URB2: variants seen among roughly 807,000 people sequenced by gnomAD.
URB2 encodes the protein unhealthy ribosome biogenesis protein 2 homolog.
A neutral mutation model predicts 120.9 loss-of-function variants in URB2; 86 were observed. That is an observed-to-expected ratio of 0.71 (90% CI 0.60 to 0.85). The LOEUF is 0.85. Ranked by LOEUF, URB2 falls within the 40% of genes least tolerant of loss-of-function variation. The probability of loss-of-function intolerance (pLI) is 0.00; values close to 1 mark genes in which losing one functional copy is unlikely to be tolerated. For missense variants in URB2, 1,765 were observed against 1,836.5 expected, an observed-to-expected ratio of 0.96 and a Z score of 0.71; for synonymous variants, 755 against 758.4, an observed-to-expected ratio of 1.00 and a Z score of 0.07.
chr1:229,654,901 G>A (rs1008887988), intron 9 of URB2, among the ~76,000 whole-genome samples: 16 of 152,086 alleles, frequency 1.1e-4, no homozygotes, highest in Middle Eastern at 3.2e-3. Context: ...CACAAACTTC[G>A]GGGTCTATTT....
At chr1:229,633,835 C>T (rs748823275) in intron 3 of URB2, among the ~76,000 whole-genome samples, 2 of 152,114 alleles carry the variant, frequency 1.3e-5, no homozygotes, top group South Asian at 2.1e-4. Flanking sequence ...ATTTGCTTTC[C>T]TTTTTAAAAA....
rs1476177389 is a variant in URB2 at position 229,639,886 on chromosome 1, C to CT, written c.3634+1639_3634+1640insT. On this transcript the variant is annotated intron_variant, in intron 4 of 9. Transcript: ENST00000258243. ...TCCTGCACAGAGTCGACCTTTACAG[C>CT]CCCCCTGGTGAAAGGTTAATGGGTT... is the stretch of plus-strand genomic sequence containing the variant. Among the ~76,000 whole-genome samples the CT allele has an allele frequency of 3.3e-5, 5 of 152,096 alleles. 1 individual carries two copies. Among genetic ancestry groups the CT allele is most frequent in the African/African-American group, 1.2e-4 (5 of 41,404 alleles).
At chr1:229,640,464 C>T (rs1237339291) in intron 4 of URB2, among the ~76,000 whole-genome samples, 3 of 151,978 alleles carry the variant, frequency 2.0e-5, no homozygotes, top group Non-Finnish European at 2.9e-5. Flanking sequence ...TTGGTGGTAA[C>T]GAAAGGGCTG....
intron 2 of URB2, among the ~76,000 whole-genome samples, chr1:229,631,165 A>G (rs1422397794): frequency 2.6e-5 from 4 of 152,134 alleles, no homozygotes; most frequent in African/African-American, 7.2e-5. Context: ...CCTAAACTTC[A>G]TGAACCAACC....
intron 1 of URB2, among the ~76,000 whole-genome samples, chr1:229,626,941 T>A (rs764037752): frequency 6.6e-6 from 1 of 152,240 alleles, no homozygotes; most frequent in Non-Finnish European, 1.5e-5. Flanking sequence ...TAACGTTCCT[T>A]TTTACTATAA....
Position 229,636,037 on chromosome 1 carries a change from G to T in URB2, c.1424G>T (p.Gly475Val). ...CCACGGTTGTTTGAAGAGGTTTTGG[G>T]GGTGATCTGTCGTCCAGCTGCTGAG... ...QVPRLFEEVL[G>V]VICRPAAEAL... The change falls in exon 4 of 10, where the codon GGG (glycine) becomes GTG (valine). Residue 475 changes from glycine (G) to valine (V), a missense_variant. Physicochemically the swap from Gly to Val is moderately radical, Grantham distance 109 (BLOSUM62 -3). Coordinates refer to ENST00000258243, the MANE Select transcript of URB2 (RefSeq NM_014777.4). The T allele has an allele frequency of 6.2e-7, 1 of 1,614,120 alleles. No homozygotes were observed. Among genetic ancestry groups the T allele is most frequent in the South Asian group, 1.1e-5 (1 of 91,074 alleles).
At position 229,638,057 on chromosome 1, in the gene URB2, C is replaced by G. The variant is rs1323676712; in HGVS notation, c.3444C>G (p.Leu1148=). 1.9e-6 allele frequency: 3 copies of G among 1,614,024 alleles called. No homozygotes were observed. The highest frequency in any genetic ancestry group is 1.7e-5 in the Admixed American group (1 of 60,004). Residue 1148 remains leucine, a synonymous_variant, in exon 4 of 10, where the codon CTC becomes CTG. Coordinates refer to ENST00000258243, the MANE Select transcript of URB2 (RefSeq NM_014777.4). The stretch of plus-strand genomic sequence containing the variant: ...CCCAAGGAAGCGACAGGACGCTGCT[C>G]TCCCATGTTGCCCTCTACCAGGGTG... ...DISQGSDRTL[L]SHVALYQGVY... is the part of the protein sequence containing the mutation.
At chr1:229,644,874 C>G (rs993939879) in intron 5 of URB2, among the ~76,000 whole-genome samples, 1 of 152,092 alleles carries the variant, frequency 6.6e-6, no homozygotes, top group Non-Finnish European at 1.5e-5. Context: ...TAGGGCTCTG[C>G]CCACATCTCA....
At chr1:229,645,210 A>G (rs528112758) in intron 5 of URB2, among the ~76,000 whole-genome samples, 2 of 151,700 alleles carry the variant, frequency 1.3e-5, no homozygotes, top group African/African-American at 4.8e-5. Context: ...GCTTGAGCCC[A>G]GGAGGTGGAG....
chr1:229,637,816 G>A lies in URB2; in HGVS notation c.3203G>A (p.Gly1068Glu), dbSNP rs761798616. The change falls in exon 4 of 10, where the codon GGA (glycine) becomes GAA (glutamate). Residue 1068 changes from glycine (G) to glutamate (E), a missense_variant. Physicochemically the swap from Gly to Glu is moderately conservative, Grantham distance 98. Transcript: ENST00000258243. ...TTAACCAGGTTGTGCCATGTCCTGG[G>A]ACCTTTCCTCAAAGAGCAGAAGCTG... Reference protein sequence around the residue: ...VSLTRLCHVLGPFLKEQKLGQ... With the variant: ...VSLTRLCHVLEPFLKEQKLGQ... 1.2e-6 allele frequency: 2 copies of A among 1,611,504 alleles called. No individual in the cohort carries two copies. Among genetic ancestry groups the A allele is most frequent in the Non-Finnish European group, 8.5e-7 (1 of 1,178,988 alleles).
chr1:229,645,149 G>A (rs1299231201), intron 5 of URB2, among the ~76,000 whole-genome samples: 1 of 152,026 alleles, frequency 6.6e-6, no homozygotes, highest in South Asian at 2.1e-4. Context: ...GCTGGGCCTG[G>A]TGGTGGGTGG....
intron 3 of URB2, among the ~76,000 whole-genome samples, 153 bp from the exon 4 acceptor site, chr1:229,634,764 T>C (rs758460758): frequency 4.6e-5 from 7 of 152,154 alleles, no homozygotes; most frequent in Non-Finnish European, 7.4e-5. Flanking sequence ...ACTAAGCTTA[T>C]GTCAGGTTCA....
intron 3 of URB2, among the ~76,000 whole-genome samples, chr1:229,634,366 C>T (rs553863816): frequency 7.2e-5 from 11 of 152,018 alleles, no homozygotes; most frequent in African/African-American, 1.7e-4. Context: ...CCACCATGCC[C>T]GGTTAATTTT....
chr1:229,644,834 CTGTT>C (rs1012146483), intron 5 of URB2, among the ~76,000 whole-genome samples: 3 of 152,132 alleles, frequency 2.0e-5, no homozygotes, highest in Non-Finnish European at 4.4e-5. Context: ...GGCACTGGGT[CTGTT>C]TGTTCATATA....
chr1:229,648,427 C>T (rs1258984061), intron 7 of URB2, among the ~76,000 whole-genome samples: 1 of 152,132 alleles, frequency 6.6e-6, no homozygotes, highest in Non-Finnish European at 1.5e-5. Flanking sequence ...CGCATAGATC[C>T]CTTGCTGGGC....
rs771048640 is a variant in URB2, at chr1:229,637,889, G to A, written c.3276G>A (p.Val1092=). ...AALSELLQQV[V]LQTGAVLQLC... is the part of the protein sequence containing the mutation. ...TGTCTGAGCTGCTGCAGCAGGTTGT[G>A]CTGCAGACAGGAGCTGTGCTGCAGC... The change falls in exon 4 of 10, where the codon GTG becomes GTA. Residue 1092 remains valine (V), a synonymous_variant. Transcript: ENST00000258243. 87 of 1,601,644 alleles carry A rather than the reference G, an allele frequency of 5.4e-5. No homozygotes were observed. Among genetic ancestry groups the A allele is most frequent in the Non-Finnish European group, 6.2e-5 (73 of 1,174,838 alleles).
Position 229,638,093 on chromosome 1 carries a change from G to C in URB2, c.3480G>C (p.Gln1160His). The change falls in exon 4 of 10, where the codon CAG becomes CAC. Residue 1160 changes from glutamine (Q) to histidine (H), a missense_variant. Transcript: ENST00000258243. ...CCCTCTACCAGGGTGTTTACTCTCA[G>C]ATACTGTTGGAGTTGCCAGCTCTCG... ...HVALYQGVYS[Q>H]ILLELPALAG... The C allele has an allele frequency of 1.2e-6, 2 of 1,614,258 alleles. No individual in the cohort carries two copies. The highest frequency in any genetic ancestry group is 1.7e-6 in the Non-Finnish European group (2 of 1,180,050).
At chr1:229,627,789 C>A in intron 2 of URB2, 30 bp downstream of exon 2, 1 of 1,591,246 alleles carries the variant, frequency 6.3e-7, no homozygotes, top group Non-Finnish European at 8.6e-7. Context: ...CATATTTTTA[C>A]AGTCTGTCAA....
chr1:229,629,989 C>T (rs1274871028), intron 2 of URB2, among the ~76,000 whole-genome samples: 1 of 152,158 alleles, frequency 6.6e-6, no homozygotes, highest in African/African-American at 2.4e-5. Flanking sequence ...TTTATTAGTC[C>T]CATCTTCAGG....
Sources: allele counts gnomAD v4.1 joint callset (sites outside exome capture counted in the v4.1 genomes callset), GRCh38; gene constraint gnomAD v4.1.1; transcripts MANE v1.5; gene names NCBI Gene and HGNC (gene_info 2026-07-23, HGNC 2026-07-21).